MPPED1: variants seen among roughly 807,000 people sequenced by gnomAD.
MPPED1 encodes metallophosphoesterase domain-containing protein 1.
MPPED1 carries 16 observed loss-of-function variants against 36.2 expected under a neutral mutation model. That is an observed-to-expected ratio of 0.44 (90% CI 0.30 to 0.67). The LOEUF (loss-of-function observed/expected upper bound fraction) is 0.67, where lower values mean the gene tolerates loss of function less well. Ranked by LOEUF, MPPED1 falls within the 30% of genes least tolerant of loss-of-function variation. The pLI is 0.10. For synonymous variants in MPPED1, 199 were observed against 191.3 expected, an observed-to-expected ratio of 1.04 and a Z score of -0.33; for missense variants, 307 against 453.4, an observed-to-expected ratio of 0.68 and a Z score of 2.93.
At position 43,464,941 on chromosome 22, in the gene MPPED1, G is replaced by A. The variant is rs150855643; in HGVS notation, c.407-9795G>A. 2.3e-4 allele frequency among the ~76,000 whole-genome samples: 35 copies of A among 152,216 alleles called. No homozygotes were observed. In the East Asian group the frequency reaches 2.3e-3, roughly 10 times the overall value. On this transcript the variant is annotated intron_variant, in intron 3 of 6. Transcript: ENST00000443721. ...GACAAACATGGGCCTTCAGAATCCC[G>A]TCCTATACAAGGGCCCCTTGGTTCC... is the stretch of plus-strand genomic sequence containing the variant.
chr22:43,429,147 G>A (rs746592190), intron 2 of MPPED1, among the ~76,000 whole-genome samples: 1 of 152,192 alleles, frequency 6.6e-6, no homozygotes, highest in Non-Finnish European at 1.5e-5. Context: ...TTTGTGCCTT[G>A]TTCCTGGCCT....
intron 2 of MPPED1, among the ~76,000 whole-genome samples, 159 bp from the exon 3 acceptor site, chr22:43,434,875 G>C (rs989163444): frequency 4.6e-5 from 7 of 152,228 alleles, no homozygotes; most frequent in Non-Finnish European, 7.3e-5. Context: ...ATTCGGGCCG[G>C]GGTGGACCCC....
chr22:43,463,201 A>G (rs1188008623), intron 3 of MPPED1, among the ~76,000 whole-genome samples: 1 of 150,642 alleles, frequency 6.6e-6, no homozygotes, highest in Non-Finnish European at 1.5e-5. Context: ...TTTTCCAAGC[A>G]CTCTGTTAAT....
intron 1 of MPPED1, among the ~76,000 whole-genome samples, chr22:43,414,264 C>T (rs748571281): frequency 6.6e-6 from 1 of 152,154 alleles, no homozygotes; most frequent in Non-Finnish European, 1.5e-5. Context: ...ATTTGTTCTT[C>T]TTTGAACTTT....
At chr22:43,471,381 A>G (rs1931370504) in intron 3 of MPPED1, among the ~76,000 whole-genome samples, 1 of 152,094 alleles carries the variant, frequency 6.6e-6, no homozygotes, top group African/African-American at 2.4e-5. Context: ...GAGGGGCTCG[A>G]TGAGGGGTCT....
At chr22:43,471,711 A>G (rs549243016) in intron 3 of MPPED1, among the ~76,000 whole-genome samples, 16 of 152,222 alleles carry the variant, frequency 1.1e-4, no homozygotes, top group African/African-American at 3.9e-4. Flanking sequence ...TCTCTGTACC[A>G]TGCCTGGTCG....
intron 5 of MPPED1, among the ~76,000 whole-genome samples, chr22:43,500,140 AGGTGGTGGGGGT>A (rs1932630212): frequency 6.2e-5 from 2 of 32,102 alleles, no homozygotes; most frequent in Admixed American, 3.3e-4. Context: ...GTGGTAATGG[AGGTGGTGGGGGT>A]GGTGGTGGTG....
chr22:43,415,066 G>A (rs572094066), intron 1 of MPPED1, among the ~76,000 whole-genome samples: 3 of 152,110 alleles, frequency 2.0e-5, no homozygotes, highest in Non-Finnish European at 2.9e-5. Context: ...AGCAAGAACC[G>A]TTTAATGTAG....
chr22:43,459,999 G>C (rs1930890343), intron 3 of MPPED1, among the ~76,000 whole-genome samples: 1 of 151,884 alleles, frequency 6.6e-6, no homozygotes, highest in Admixed American at 6.6e-5. Context: ...ACGAGGTCAA[G>C]AGATCGAGAC....
At chr22:43,421,847 C>T (rs1460193650) in intron 1 of MPPED1, among the ~76,000 whole-genome samples, 2 of 152,246 alleles carry the variant, frequency 1.3e-5, no homozygotes, top group African/African-American at 4.8e-5. Flanking sequence ...TGACCACTTA[C>T]TGTCTGCTAG....
At chr22:43,465,904 C>T (rs976663895) in intron 3 of MPPED1, among the ~76,000 whole-genome samples, 1 of 152,152 alleles carries the variant, frequency 6.6e-6, no homozygotes, top group Non-Finnish European at 1.5e-5. Flanking sequence ...CGGGGGCCAC[C>T]AGGGCCCTTT....
At chr22:43,501,132 G>C (rs142103152) in intron 5 of MPPED1, among the ~76,000 whole-genome samples, 12 of 152,310 alleles carry the variant, frequency 7.9e-5, no homozygotes, top group African/African-American at 2.9e-4. Context: ...GGAAGCGGAG[G>C]CCTGGGCCCT....
At chr22:43,434,983 A>C in intron 2 of MPPED1, 51 bp from the exon 3 acceptor site, 1 of 1,581,650 alleles carries the variant, frequency 6.3e-7, no homozygotes, top group Non-Finnish European at 8.6e-7. Context: ...CACCACCCGC[A>C]GGCTCGCGGC....
At chr22:43,485,414 A>G (rs1931882044) in intron 4 of MPPED1, among the ~76,000 whole-genome samples, 1 of 152,016 alleles carries the variant, frequency 6.6e-6, no homozygotes, top group Admixed American at 6.6e-5. Context: ...ACATTCACAC[A>G]TATTCATACA....
chr22:43,476,467 G>A lies in MPPED1; in HGVS notation c.632+1506G>A, dbSNP rs140475661. On this transcript the variant is annotated intron_variant, in intron 4 of 6. Coordinates refer to ENST00000443721, the MANE Select transcript of MPPED1 (RefSeq NM_001044370.2). ...AGCGAGGCTAAGGAGCCCTTTAGAG[G>A]CACAAAGGGCTTGCCTGGGTGGAAG... Among the ~76,000 whole-genome samples the A allele has an allele frequency of 5.3e-5, 8 of 152,258 alleles. No homozygotes were observed. The East Asian group carries it at 1.5e-3, about 29-fold the overall frequency.
intron 3 of MPPED1, among the ~76,000 whole-genome samples, chr22:43,462,351 C>G (rs948793223): frequency 1.3e-5 from 2 of 152,314 alleles, no homozygotes; most frequent in Non-Finnish European, 2.9e-5. Flanking sequence ...AGCCTCCTCC[C>G]GAGGCCTGGT....
intron 5 of MPPED1, among the ~76,000 whole-genome samples, chr22:43,499,057 G>A (rs1932523337): frequency 6.6e-6 from 1 of 151,696 alleles, no homozygotes; most frequent in Non-Finnish European, 1.5e-5. Context: ...TGGTGATGGA[G>A]GTAGTGGTGA....
rs28485670 is a variant in MPPED1 at position 43,502,435 on chromosome 22, A to G, written c.749-209A>G. On this transcript the variant is annotated intron_variant, in intron 5 of 6. Coordinates refer to ENST00000443721, the MANE Select transcript of MPPED1 (RefSeq NM_001044370.2). This position sits in a 1 kb window ranked among gnomAD's most constrained non-coding sequence, Gnocchi z 5.5. ...CCTCAGTGCAGCCCTATGGAGGAGG[A>G]GGGTGAGGCTGCAAGGTCCTGAATG... Among the ~76,000 whole-genome samples the G allele has an allele frequency of 0.34, 51,305 of 152,008 alleles. 9,539 individuals carry two copies. The highest frequency in any genetic ancestry group is 0.49 in the African/African-American group (20,281 of 41,452).
chr22:43,444,661 C>T (rs1488324932), intron 3 of MPPED1, among the ~76,000 whole-genome samples: 1 of 151,842 alleles, frequency 6.6e-6, no homozygotes, highest in African/African-American at 2.4e-5. Context: ...CCATGCCTGG[C>T]CCTTTATTTC....
Sources: gnomAD v4.1 joint callset for allele counts (sites outside exome capture counted in the v4.1 genomes callset) on GRCh38, gnomAD v4.1.1 for gene constraint, Gnocchi (gnomAD v3.1) non-coding constraint, MANE v1.5 for transcripts, NCBI Gene and HGNC (gene_info 2026-07-23, HGNC 2026-07-21) for gene names.